Variants in IP6K1 observed in about 807,000 individuals in gnomAD.
The protein encoded by IP6K1 is ATP:1D-myo-inositol-hexakisphosphate phosphotransferase.
IP6K1 carries 13 observed loss-of-function variants against 38.3 expected under a neutral mutation model. The observed-to-expected ratio is 0.34, with a 90% CI of 0.22 to 0.54. IP6K1 has a LOEUF of 0.54. IP6K1 is among the 20% of genes least tolerant of loss of function. The pLI, the probability that IP6K1 is intolerant of heterozygous loss-of-function variation, is 0.92. For missense variants in IP6K1, 397 were observed against 599.8 expected, an observed-to-expected ratio of 0.66 and a Z score of 3.53; for synonymous variants, 212 against 229.9, an observed-to-expected ratio of 0.92 and a Z score of 0.70.
chr3:49,739,355 CTT>C (rs778966835), intron 2 of IP6K1, among the ~76,000 whole-genome samples: 3 of 135,568 alleles, frequency 2.2e-5, no homozygotes, highest in African/African-American at 2.7e-5. Flanking sequence ...GCTTAAAGTT[CTT>C]TTTTTTTTTT....
intron 2 of IP6K1, among the ~76,000 whole-genome samples, chr3:49,743,608 T>G (rs1201513129): frequency 1.5e-5 from 2 of 135,228 alleles, no homozygotes; most frequent in Non-Finnish European, 3.4e-5. Context: ...GAGCCATAGT[T>G]TTTTTTTTTT....
chr3:49,759,543 A>G (rs533330492), intron 1 of IP6K1, among the ~76,000 whole-genome samples: 1 of 152,324 alleles, frequency 6.6e-6, no homozygotes, highest in Admixed American at 6.5e-5. Context: ...AAAACAGTGT[A>G]AGGAGATTTC....
At chr3:49,743,952 A>G (rs2080697540) in intron 2 of IP6K1, among the ~76,000 whole-genome samples, 1 of 151,858 alleles carries the variant, frequency 6.6e-6, no homozygotes, top group Non-Finnish European at 1.5e-5. Flanking sequence ...GTGAGGTATG[A>G]TTGCACCACT....
At chr3:49,782,215 G>T (rs2081071652) in intron 1 of IP6K1, among the ~76,000 whole-genome samples, 1 of 151,714 alleles carries the variant, frequency 6.6e-6, no homozygotes, top group South Asian at 2.1e-4. Flanking sequence ...CTGTCGCCCA[G>T]GCTGGAGTGC....
intron 1 of IP6K1, 131 bp from the exon 2 acceptor site, chr3:49,748,299 A>AC (rs1217669161): frequency 2.1e-6 from 1 of 487,244 alleles, no homozygotes; most frequent in African/African-American, 1.9e-5. Context: ...GTACAATACT[A>AC]CGTGGCACAT....
At chr3:49,750,054 T>C (rs923913421) in intron 1 of IP6K1, among the ~76,000 whole-genome samples, 1 of 152,192 alleles carries the variant, frequency 6.6e-6, no homozygotes, top group Non-Finnish European at 1.5e-5. Context: ...ATTAACTCAC[T>C]GTCATCACCA....
At chr3:49,755,373 T>C (rs2080813003) in intron 1 of IP6K1, among the ~76,000 whole-genome samples, 1 of 152,170 alleles carries the variant, frequency 6.6e-6, no homozygotes, top group Non-Finnish European at 1.5e-5. Flanking sequence ...TCTTCTAAAA[T>C]TAAATATATC....
At chr3:49,728,300 T>C (rs1218966794) in intron 4 of IP6K1, 22 bp from the exon 5 acceptor site, 8 of 1,607,822 alleles carry the variant, frequency 5.0e-6, no homozygotes, top group Non-Finnish European at 6.8e-6. Flanking sequence ...TCAAGGAGAA[T>C]GACAACCACA....
At chr3:49,781,173 T>C (rs895087103) in intron 1 of IP6K1, among the ~76,000 whole-genome samples, 8 of 152,038 alleles carry the variant, frequency 5.3e-5, no homozygotes, top group African/African-American at 1.9e-4. Flanking sequence ...GTGATTCTAC[T>C]GCTTCAATCT....
At chr3:49,781,721 C>T (rs1050442359) in intron 1 of IP6K1, among the ~76,000 whole-genome samples, 1 of 152,138 alleles carries the variant, frequency 6.6e-6, no homozygotes, top group Admixed American at 6.6e-5. Flanking sequence ...GACATCAGAT[C>T]TCATCCCATA....
intron 3 of IP6K1, among the ~76,000 whole-genome samples, chr3:49,734,567 A>AAGGGTCAAG: frequency 6.6e-6 from 1 of 151,568 alleles, no homozygotes; most frequent in African/African-American, 2.4e-5. Context: ...AACCCTCTCC[A>AAGGGTCAAG]AGGGTCAGCT....
At chr3:49,730,590 A>C (rs1450311933) in intron 4 of IP6K1, among the ~76,000 whole-genome samples, 1 of 152,186 alleles carries the variant, frequency 6.6e-6, no homozygotes, top group Admixed American at 6.6e-5. Flanking sequence ...TCCTTTGCCC[A>C]GGCTGGAGTG....
At chr3:49,781,257 T>C (rs753115709) in intron 1 of IP6K1, among the ~76,000 whole-genome samples, 11 of 152,130 alleles carry the variant, frequency 7.2e-5, no homozygotes, top group African/African-American at 9.7e-5. Flanking sequence ...GAGACAGAGT[T>C]TCACCATGTT....
intron 1 of IP6K1, among the ~76,000 whole-genome samples, chr3:49,763,617 C>A (rs1254896412): frequency 7.2e-5 from 11 of 152,072 alleles, no homozygotes; most frequent in Non-Finnish European, 1.6e-4. Context: ...ATCAGTATTA[C>A]TACTCATCAT....
intron 2 of IP6K1, among the ~76,000 whole-genome samples, chr3:49,741,006 G>A (rs1463988946): frequency 2.0e-5 from 3 of 151,932 alleles, no homozygotes; most frequent in South Asian, 2.1e-4. Flanking sequence ...CTGCCACCAC[G>A]CTCGGCTACT....
intron 3 of IP6K1, among the ~76,000 whole-genome samples, chr3:49,734,898 TCAGA>T (rs1281734653): frequency 6.6e-6 from 1 of 152,128 alleles, no homozygotes; most frequent in Admixed American, 6.6e-5. Flanking sequence ...TGCTAACAGG[TCAGA>T]CAGAGGTTTG....
intron 1 of IP6K1, among the ~76,000 whole-genome samples, chr3:49,752,756 CTTT>C (rs769412230): frequency 1.5e-5 from 2 of 136,574 alleles, no homozygotes; most frequent in Non-Finnish European, 3.2e-5. Flanking sequence ...TGCGCCTAGC[CTTT>C]TTTTTTTTTT....
chr3:49,783,443 T>C (rs1200699130), intron 1 of IP6K1, among the ~76,000 whole-genome samples: 1 of 151,250 alleles, frequency 6.6e-6, no homozygotes, highest in East Asian at 1.9e-4. Context: ...CTGGGTGCAG[T>C]AGCTCTCGCC....
At chr3:49,749,256 A>G (rs1484639758) in intron 1 of IP6K1, among the ~76,000 whole-genome samples, 2 of 152,236 alleles carry the variant, frequency 1.3e-5, no homozygotes, top group Non-Finnish European at 2.9e-5. Context: ...TTCAGGCTTC[A>G]GATTTCTTCT....
Sources: gnomAD v4.1 joint callset for allele counts (sites outside exome capture counted in the v4.1 genomes callset) on GRCh38, gnomAD v4.1.1 for gene constraint, MANE v1.5 for transcripts, NCBI Gene and HGNC (gene_info 2026-07-23, HGNC 2026-07-21) for gene names.